Variants in ADAD1 observed in about 807,000 individuals in gnomAD.
ADAD1 encodes adenosine deaminase domain containing 1, also known as adenosine deaminase domain-containing protein 1.
A neutral mutation model predicts 66.8 loss-of-function variants in ADAD1; 46 were observed. The observed-to-expected ratio is 0.69, with a 90% CI of 0.54 to 0.88. ADAD1 has a LOEUF of 0.88. ADAD1 is among the 40% of genes least tolerant of loss of function. ADAD1 has a pLI of 0.00. For missense variants in ADAD1, 617 were observed against 681.8 expected, an observed-to-expected ratio of 0.91 and a Z score of 1.06; for synonymous variants, 248 against 229.4, an observed-to-expected ratio of 1.08 and a Z score of -0.73.
chr4:122,422,700 A>G (rs550236391), intron 12 of ADAD1, among the ~76,000 whole-genome samples: 9 of 152,300 alleles, frequency 5.9e-5, no homozygotes, highest in Admixed American at 1.3e-4. Context: ...AAAAACAAGT[A>G]GAAAACCAGA....
rs527412625 is a variant in ADAD1, at chr4:122,386,627, TG to T, written c.529+2663del. ...TCTTTGCCCATGCCTGTGTCCTGAA[TG>T]GTATTGCCTAGGTTTTCTTCTAGGG... On this transcript the variant is annotated intron_variant, in intron 5 of 12. Transcript: ENST00000296513. 2.9e-3 allele frequency among the ~76,000 whole-genome samples: 441 copies of T among 152,340 alleles called. 8 individuals are homozygous for T. The highest frequency in any genetic ancestry group is 3.8e-3 in the Non-Finnish European group (259 of 68,034).
intron 5 of ADAD1, among the ~76,000 whole-genome samples, chr4:122,389,059 C>T (rs1795317747): frequency 1.3e-5 from 2 of 152,102 alleles, no homozygotes; most frequent in Admixed American, 1.3e-4. Context: ...GATTCTGGTA[C>T]ATTGTCTCTT....
chr4:122,427,693 C>T (rs1224843594), intron 12 of ADAD1, among the ~76,000 whole-genome samples: 1 of 151,738 alleles, frequency 6.6e-6, no homozygotes, highest in Non-Finnish European at 1.5e-5. Flanking sequence ...CGCCACCACG[C>T]CCGGCTAATT....
chr4:122,384,036 A>C, intron 5 of ADAD1, 70 bp downstream of exon 5: 1 of 1,362,680 alleles, frequency 7.3e-7, no homozygotes, highest in African/African-American at 1.5e-5. Flanking sequence ...TGAAAGATTT[A>C]TGTTAATGAG....
At chr4:122,401,383 T>A (rs1158387786) in intron 7 of ADAD1, among the ~76,000 whole-genome samples, 1 of 152,180 alleles carries the variant, frequency 6.6e-6, no homozygotes. Flanking sequence ...TTCAATTTTC[T>A]TAAATTTACT....
At chr4:122,412,363 TGTTG>T (rs1477828518) in intron 9 of ADAD1, among the ~76,000 whole-genome samples, 10 of 152,262 alleles carry the variant, frequency 6.6e-5, no homozygotes, top group East Asian at 5.8e-4. Flanking sequence ...AAAATATCTC[TGTTG>T]GAAGCTCTAG....
At chr4:122,420,122 A>G (rs1477120649) in intron 11 of ADAD1, among the ~76,000 whole-genome samples, 1 of 152,238 alleles carries the variant, frequency 6.6e-6, no homozygotes, top group African/African-American at 2.4e-5. Context: ...AAAATCAAGA[A>G]AATTATCAAA....
intron 11 of ADAD1, among the ~76,000 whole-genome samples, chr4:122,420,710 A>G (rs762274654): frequency 1.3e-5 from 2 of 152,234 alleles, no homozygotes; most frequent in African/African-American, 4.8e-5. Flanking sequence ...AAAAATGTTC[A>G]TGATCTAGGG....
chr4:122,410,072 A>G (rs1560596506), intron 8 of ADAD1, among the ~76,000 whole-genome samples: 1 of 152,214 alleles, frequency 6.6e-6, no homozygotes, highest in Non-Finnish European at 1.5e-5. Context: ...TGTCCTTGTT[A>G]AATCTCTGCA....
chr4:122,422,625 T>C (rs1292462980), intron 12 of ADAD1, among the ~76,000 whole-genome samples: 3 of 152,158 alleles, frequency 2.0e-5, no homozygotes, highest in African/African-American at 7.2e-5. Flanking sequence ...TCACATATTT[T>C]TAAGTATAAA....
chr4:122,403,352 G>A (rs1365674819), intron 7 of ADAD1, among the ~76,000 whole-genome samples: 1 of 152,130 alleles, frequency 6.6e-6, no homozygotes, highest in Non-Finnish European at 1.5e-5. Context: ...CCATCTTCAG[G>A]TCTCCCAGCC....
chr4:122,425,971 G>GT (rs1797215736), intron 12 of ADAD1, among the ~76,000 whole-genome samples: 3 of 151,872 alleles, frequency 2.0e-5, no homozygotes, highest in Non-Finnish European at 2.9e-5. Context: ...CAGAATCAAA[G>GT]TAAGTGGAAG....
intron 5 of ADAD1, among the ~76,000 whole-genome samples, chr4:122,388,804 C>T (rs1169841724): frequency 6.6e-6 from 1 of 151,534 alleles, no homozygotes; most frequent in Non-Finnish European, 1.5e-5. Flanking sequence ...TAATTTGTTT[C>T]AAAGAAAAAA....
chr4:122,383,972 T>C lies in ADAD1; in HGVS notation c.529+6T>C, dbSNP rs991733927. ...ACGAATTTTAGAAACATCAGGTAAATACTCTTGATTATAAAGTATTTATAA... is the reference window on the plus strand; with the variant it reads ...ACGAATTTTAGAAACATCAGGTAAACACTCTTGATTATAAAGTATTTATAA... On this transcript the variant is annotated splice_donor_region_variant and intron_variant, in intron 5 of 12. Transcript: ENST00000296513. 3.8e-6 allele frequency: 6 copies of C among 1,597,140 alleles called. No individual in the cohort carries two copies. In the Admixed American group the frequency reaches 5.3e-5, roughly 14 times the overall value.
chr4:122,422,688 A>G (rs964880891), intron 12 of ADAD1, among the ~76,000 whole-genome samples: 9 of 152,158 alleles, frequency 5.9e-5, no homozygotes, highest in Non-Finnish European at 1.3e-4. Flanking sequence ...GTAAATCACT[A>G]TAAAAACAAG....
chr4:122,413,267 T>A (rs1187010295), intron 10 of ADAD1, among the ~76,000 whole-genome samples: 1 of 152,178 alleles, frequency 6.6e-6, no homozygotes, highest in African/African-American at 2.4e-5. Context: ...ATTTTACTTT[T>A]CAAAAAGTTT....
At position 122,401,482 on chromosome 4, in the gene ADAD1, T is replaced by G. The variant is rs370252879; in HGVS notation, c.724+5105T>G. On this transcript the variant is annotated intron_variant, in intron 7 of 12. Coordinates refer to ENST00000296513, the MANE Select transcript of ADAD1 (RefSeq NM_139243.4). ...GAATGTATATTCTGCAGTTGTTGGA[T>G]AGAATGTTCTGTAAATATCTGCTAA... 2.6e-5 allele frequency among the ~76,000 whole-genome samples: 4 copies of G among 152,164 alleles called. 1 individual carries two copies. Among genetic ancestry groups the G allele is most frequent in the Admixed American group, 1.3e-4 (2 of 15,278 alleles).
At chr4:122,391,483 C>T (rs1337839360) in intron 5 of ADAD1, among the ~76,000 whole-genome samples, 3 of 152,182 alleles carry the variant, frequency 2.0e-5, no homozygotes, top group Non-Finnish European at 2.9e-5. Flanking sequence ...TCTGCTGGTC[C>T]GCAGAGACTA....
intron 11 of ADAD1, among the ~76,000 whole-genome samples, chr4:122,417,989 A>G (rs1796821111): frequency 6.6e-6 from 1 of 152,208 alleles, no homozygotes; most frequent in Non-Finnish European, 1.5e-5. Flanking sequence ...CAGTTTAAAC[A>G]AAGCTGAATA....
Sources: gnomAD v4.1 joint callset for allele counts (sites outside exome capture counted in the v4.1 genomes callset) on GRCh38, gnomAD v4.1.1 for gene constraint, MANE v1.5 for transcripts, NCBI Gene and HGNC (gene_info 2026-07-23, HGNC 2026-07-21) for gene names.